POU3F3: variants seen among roughly 807,000 people sequenced by gnomAD.
The protein encoded by POU3F3 is POU class 3 homeobox 3, also known as POU domain, class 3, transcription factor 3.
A neutral mutation model predicts 8.6 loss-of-function variants in POU3F3; 1 was observed. The ratio of observed to expected loss-of-function variants is 0.12; its 90% CI spans 0.04 to 0.55. The LOEUF (loss-of-function observed/expected upper bound fraction) is 0.55. Among genes scored for constraint, POU3F3 ranks in the 20% least tolerant of loss-of-function variants. The pLI is 0.91. For synonymous variants in POU3F3, 418 were observed against 327.4 expected (o/e 1.28, Z -2.99); for missense variants, 577 against 690.7 (o/e 0.84, Z 1.84).
At chr2:104,894,778 A>G in the POU3F3 span, among the ~76,000 whole-genome samples, 1 of 152,220 alleles carries the variant, frequency 6.6e-6, no homozygotes, top group Non-Finnish European at 1.5e-5. Context: ...CAATGTAGAC[A>G]TGCTAAGGGG....
rs1451541776 is a variant in POU3F3, at chr2:104,857,055, T to TG, written c.*42_*43insG. 8 of 1,368,274 alleles carry TG rather than the reference T, an allele frequency of 5.8e-6. No homozygotes were observed. The highest frequency in any genetic ancestry group is 7.6e-6 in the Non-Finnish European group (8 of 1,052,530). 84.8% of individuals were successfully genotyped at this position (1,368,274 alleles called of 1,614,324 possible). A position where few individuals can be genotyped will look rare whatever the true frequency, so the allele number is the denominator to read the frequency against. On this transcript the variant is annotated 3_prime_UTR_variant, in exon 1 of 1. Transcript: ENST00000361360. ...GAAGAGGGCCGCCGCCGCCGCCGCC[T>TG]CCGCAGCCGCCGTCAGCACCGCCGC...
downstream of POU3F3, among the ~76,000 whole-genome samples, chr2:104,861,443 A>G (rs1471170877): frequency 2.6e-5 from 4 of 152,364 alleles, no homozygotes; most frequent in Admixed American, 6.5e-5. Context: ...CATGAAATGC[A>G]CGTGGCTGGC....
downstream of POU3F3, among the ~76,000 whole-genome samples, chr2:104,860,572 G>T (rs957032545): frequency 1.3e-5 from 2 of 151,840 alleles, no homozygotes; most frequent in Non-Finnish European, 2.9e-5. Context: ...AAGTGACAAA[G>T]TTCTGTTCCA....
At chr2:104,868,081 A>C in the POU3F3 span, 1 of 359,974 alleles carries the variant, frequency 2.8e-6, no homozygotes, top group Non-Finnish European at 5.5e-6. Flanking sequence ...GAAGAGTTGA[A>C]ATCAACGCAG....
chr2:104,924,464 T>A, the POU3F3 span, among the ~76,000 whole-genome samples: 1 of 152,226 alleles, frequency 6.6e-6, no homozygotes, highest in African/African-American at 2.4e-5. Context: ...AAGACCCATT[T>A]GCCCCCAACC....
the POU3F3 span, among the ~76,000 whole-genome samples, chr2:104,892,460 C>T: frequency 6.6e-6 from 1 of 151,920 alleles, no homozygotes; most frequent in East Asian, 1.9e-4. Context: ...TATTTATTTA[C>T]TTATGTATGT....
the POU3F3 span, among the ~76,000 whole-genome samples, chr2:104,914,530 T>C: frequency 6.6e-6 from 1 of 152,190 alleles, no homozygotes; most frequent in Non-Finnish European, 1.5e-5. Context: ...CAGAACCCTC[T>C]TGGACCTGAT....
chr2:104,926,867 G>A, the POU3F3 span, among the ~76,000 whole-genome samples: 1 of 152,090 alleles, frequency 6.6e-6, no homozygotes, highest in African/African-American at 2.4e-5. Context: ...AACACTGCAT[G>A]TTCTCACTCA....
Position 104,856,254 on chromosome 2 carries a change from C to T in POU3F3, c.744C>T (p.Gly248=). The T allele has an allele frequency of 1.5e-6, 2 of 1,293,852 alleles. No individual in the cohort carries two copies. Among genetic ancestry groups the T allele is most frequent in the Non-Finnish European group, 1.9e-6 (2 of 1,030,952 alleles). The allele number at this position is 1,293,852 out of a possible 1,614,324, so 80.1% of individuals were successfully genotyped here. A position where few individuals can be genotyped will look rare whatever the true frequency, so the allele number is the denominator to read the frequency against. Residue 248 remains glycine (G), a synonymous_variant, in exon 1 of 1, where the codon GGC becomes GGT. Transcript: ENST00000361360. ...PGPGGGGGGA[G]GGAQSLVHPG... ...CCGGCGGCGGCGGCGGCGGCGCGGGCGGTGGAGCCCAGAGCTTGGTGCACC... is the reference window on the plus strand; with the variant it reads ...CCGGCGGCGGCGGCGGCGGCGCGGGTGGTGGAGCCCAGAGCTTGGTGCACC...
the POU3F3 span, among the ~76,000 whole-genome samples, chr2:104,878,480 G>A: frequency 3.3e-5 from 5 of 152,188 alleles, no homozygotes; most frequent in Non-Finnish European, 5.9e-5. Flanking sequence ...TCAACCTTCT[G>A]CATATTCTCA....
In POU3F3 at chr2:104,855,628, GGC is replaced by G; in HGVS notation, c.120_121del (p.Gly42ArgfsTer597). On this transcript the variant is annotated frameshift_variant, in exon 1 of 1. Coordinates refer to ENST00000361360, the MANE Select transcript of POU3F3 (RefSeq NM_006236.3). LOFTEE classifies it low-confidence loss of function (END_TRUNC). ...GGGGGGGGGG[G>X]GGGAGGGGGG... ...CGGCGGGGGTGGCGGCGGCGGCGGC[GGC>G]GGGGGCGGCGCAGGGGGCGGGGGCG... 4.1e-6 allele frequency: 4 copies of G among 973,484 alleles called. No homozygotes were observed. Among genetic ancestry groups the G allele is most frequent in the Non-Finnish European group, 4.9e-6 (4 of 822,620 alleles). 60.3% of individuals were successfully genotyped at this position (973,484 alleles called of 1,614,324 possible). A position where few individuals can be genotyped will look rare whatever the true frequency, so the allele number is the denominator to read the frequency against.
At chr2:104,881,365 T>A in the POU3F3 span, among the ~76,000 whole-genome samples, 1 of 152,044 alleles carries the variant, frequency 6.6e-6, no homozygotes, top group Non-Finnish European at 1.5e-5. Flanking sequence ...GGGGTATCAC[T>A]GAGTTGCCTG....
the POU3F3 span, among the ~76,000 whole-genome samples, chr2:104,919,711 T>A: frequency 6.6e-6 from 1 of 152,182 alleles, no homozygotes; most frequent in Non-Finnish European, 1.5e-5. Context: ...CACAATGTAT[T>A]TGACACTGGA....
At chr2:104,894,606 C>G in the POU3F3 span, among the ~76,000 whole-genome samples, 1 of 148,094 alleles carries the variant, frequency 6.8e-6, no homozygotes, top group African/African-American at 2.5e-5. Context: ...ACCTCCTGAC[C>G]CAGGTGCCCC....
chr2:104,873,016 C>T, the POU3F3 span, among the ~76,000 whole-genome samples: 1 of 152,192 alleles, frequency 6.6e-6, no homozygotes, highest in South Asian at 2.1e-4. Flanking sequence ...GTCTGTTTAA[C>T]TTCACTGGCT....
the POU3F3 span, among the ~76,000 whole-genome samples, chr2:104,913,777 T>G: frequency 3.3e-5 from 5 of 152,358 alleles, no homozygotes; most frequent in Admixed American, 3.3e-4. Flanking sequence ...CTGATACATC[T>G]TCACATCGTT....
At chr2:104,874,587 G>T in the POU3F3 span, among the ~76,000 whole-genome samples, 2 of 152,120 alleles carry the variant, frequency 1.3e-5, no homozygotes, top group African/African-American at 4.8e-5. Context: ...CAGTGTGGGG[G>T]ACCTATCTTT....
At chr2:104,895,503 C>T in the POU3F3 span, among the ~76,000 whole-genome samples, 1 of 152,086 alleles carries the variant, frequency 6.6e-6, no homozygotes, top group African/African-American at 2.4e-5. Context: ...TTTTATTAAT[C>T]TAGAAATTAT....
the POU3F3 span, among the ~76,000 whole-genome samples, chr2:104,881,117 T>TA: frequency 4.4e-5 from 6 of 136,098 alleles, no homozygotes; most frequent in Non-Finnish European, 9.5e-5. Flanking sequence ...TTTCTTTATT[T>TA]CTTACTTTCT....
Sources: allele counts gnomAD v4.1 joint callset (sites outside exome capture counted in the v4.1 genomes callset), GRCh38; gene constraint gnomAD v4.1.1; transcripts MANE v1.5; gene names NCBI Gene and HGNC (gene_info 2026-07-23, HGNC 2026-07-21).